Variants in TMEM132B observed in about 807,000 individuals in gnomAD.
The protein encoded by TMEM132B is transmembrane protein 132B.
Under a neutral mutation model 90.8 loss-of-function variants are expected in TMEM132B, and 18 were observed. That is an observed-to-expected ratio of 0.20 (90% confidence interval 0.14 to 0.29). The LOEUF is 0.29. Ranked by LOEUF, TMEM132B falls within the 10% of genes least tolerant of loss-of-function variation. The probability of loss-of-function intolerance (pLI) is 1.00; values close to 1 mark genes in which losing one functional copy is unlikely to be tolerated. For synonymous variants in TMEM132B, 504 were observed against 523.3 expected (o/e 0.96, Z 0.50); for missense variants, 1,096 against 1,326.8 (o/e 0.83, Z 2.70).
At chr12:125,548,840 C>A (rs1221286722) in intron 4 of TMEM132B, among the ~76,000 whole-genome samples, 2 of 152,090 alleles carry the variant, frequency 1.3e-5, no homozygotes, top group Non-Finnish European at 2.9e-5. Context: ...AAGGTCCAGG[C>A]AAGACACGAT....
intron 2 of TMEM132B, among the ~76,000 whole-genome samples, chr12:125,412,429 C>G (rs1342367320): frequency 6.6e-6 from 1 of 152,206 alleles, no homozygotes; most frequent in African/African-American, 2.4e-5. Context: ...ATAAATGATG[C>G]AATGTGTGTC....
intron 1 of TMEM132B, among the ~76,000 whole-genome samples, chr12:125,193,725 C>G (rs1872854440): frequency 6.6e-6 from 1 of 152,224 alleles, no homozygotes; most frequent in African/African-American, 2.4e-5. Flanking sequence ...CCAGCTCATT[C>G]ATTCATTCAT....
In TMEM132B at chr12:125,421,512, T is replaced by C. The variant is rs531149844; in HGVS notation, c.1106+5835T>C. On this transcript the variant is annotated intron_variant, in intron 3 of 8. Coordinates refer to ENST00000682704, the MANE Select transcript of TMEM132B (RefSeq NM_001366854.1). ...CACAGGAAAGACCCACCTCCATGAGTCAGTTACCTCCCACTGGGTCCCTCT... is the reference window on the plus strand; with the variant it reads ...CACAGGAAAGACCCACCTCCATGAGCCAGTTACCTCCCACTGGGTCCCTCT... Among the ~76,000 whole-genome samples, 149 of 152,116 alleles carry C rather than the reference T, an allele frequency of 9.8e-4. 1 individual carries two copies. Among genetic ancestry groups the C allele is most frequent in the Non-Finnish European group, 1.7e-3 (115 of 68,012 alleles).
At chr12:125,281,223 G>A (rs1875161081) in intron 1 of TMEM132B, among the ~76,000 whole-genome samples, 1 of 152,188 alleles carries the variant, frequency 6.6e-6, no homozygotes, top group Non-Finnish European at 1.5e-5. Context: ...GAGTGGGTGT[G>A]AGCAGGAATG....
chr12:125,432,433 ATATATGTATGTG>A lies in TMEM132B; in HGVS notation c.1106+16762_1106+16773del, dbSNP rs1880548083. 1.4e-4 allele frequency among the ~76,000 whole-genome samples: 14 copies of A among 99,036 alleles called. 1 individual carries two copies. The highest frequency in any genetic ancestry group is 4.9e-4 in the African/African-American group (11 of 22,554). 65.0% of individuals were successfully genotyped at this position (99,036 alleles called of 152,430 possible). ...TGTATATATATATATGTATGTGTAT[ATATATGTATGTG>A]TATATATATGTATGTGTATATATAT... On this transcript the variant is annotated intron_variant, in intron 3 of 8. Transcript: ENST00000682704.
intron 6 of TMEM132B, among the ~76,000 whole-genome samples, chr12:125,647,376 A>G (rs1482600137): frequency 5.3e-5 from 8 of 152,368 alleles, no homozygotes; most frequent in African/African-American, 1.4e-4. Context: ...GGAAACCACA[A>G]ACATGATAAA....
At chr12:125,474,894 T>C (rs10846900) in intron 3 of TMEM132B, among the ~76,000 whole-genome samples, 44,214 of 152,198 alleles carry the variant, frequency 0.29, 6,720 homozygotes, top group East Asian at 0.51. Flanking sequence ...ACTTCTGGTC[T>C]TGCAACAATC....
chr12:125,541,619 TGA>T (rs1486831965), intron 4 of TMEM132B, among the ~76,000 whole-genome samples: 2 of 150,916 alleles, frequency 1.3e-5, no homozygotes, highest in African/African-American at 4.9e-5. Context: ...CCCTAAAAGG[TGA>T]GAGTGTTCAG....
rs190379313 is a variant in TMEM132B at position 125,591,319 on chromosome 12, A to G, written c.1437+7325A>G. ...TTGCCTTTTCCAACTTCTAGAGGCCATGTGTGTTTCTTGGCTGTGAAGCTG... is the reference window on the plus strand; with the variant it reads ...TTGCCTTTTCCAACTTCTAGAGGCCGTGTGTGTTTCTTGGCTGTGAAGCTG... On this transcript the variant is annotated intron_variant, in intron 5 of 8. Transcript: ENST00000682704. 2.2e-3 allele frequency among the ~76,000 whole-genome samples: 336 copies of G among 152,154 alleles called. 3 individuals are homozygous for G. The highest frequency in any genetic ancestry group is 7.2e-3 in the African/African-American group (298 of 41,512).
At chr12:125,268,039 A>T (rs1244514890) in intron 1 of TMEM132B, among the ~76,000 whole-genome samples, 2 of 152,196 alleles carry the variant, frequency 1.3e-5, no homozygotes, top group East Asian at 3.9e-4. Flanking sequence ...TGAGCCCAGG[A>T]GGTCGAGACC....
rs141627912 is a variant in TMEM132B at position 125,319,964 on chromosome 12, C to A, written c.68-29488C>A. ...CTGGGAGGTTGAGGGCTGCAGTGAG[C>A]CCTGATTGTGCCATTGCACGCCGGC... On this transcript the variant is annotated intron_variant, in intron 1 of 8. Transcript: ENST00000682704. Among the ~76,000 whole-genome samples, 1,127 of 152,246 alleles carry A rather than the reference C, an allele frequency of 7.4e-3. 6 individuals are homozygous for A. Among genetic ancestry groups the A allele is most frequent in the Non-Finnish European group, 0.012 (829 of 68,008 alleles).
chr12:125,437,818 G>A lies in TMEM132B; in HGVS notation c.1106+22141G>A, dbSNP rs1451786219. Among the ~76,000 whole-genome samples, 2 of 152,172 alleles carry A rather than the reference G, an allele frequency of 1.3e-5. 1 individual carries two copies. Among genetic ancestry groups the A allele is most frequent in the East Asian group, 3.9e-4 (2 of 5,190 alleles). ...GAGTGCCAGGAGCAGGGCTAAGGGG[G>A]AGTGGCTGCTTAATGAATATGGGTT... On this transcript the variant is annotated intron_variant, in intron 3 of 8. Transcript: ENST00000682704.
chr12:125,377,327 G>A (rs1278563887), intron 2 of TMEM132B, among the ~76,000 whole-genome samples: 12 of 152,224 alleles, frequency 7.9e-5, no homozygotes, highest in Admixed American at 3.9e-4. Flanking sequence ...GACCCAGAGA[G>A]GAAGCCCACA....
chr12:125,448,761 G>A (rs1178525257), intron 3 of TMEM132B, among the ~76,000 whole-genome samples: 1 of 152,064 alleles, frequency 6.6e-6, no homozygotes, highest in Non-Finnish European at 1.5e-5. Context: ...GTTTTTCAAA[G>A]TGATTGTATG....
chr12:125,469,354 T>C (rs1198146825), intron 3 of TMEM132B, among the ~76,000 whole-genome samples: 1 of 152,230 alleles, frequency 6.6e-6, no homozygotes, highest in East Asian at 1.9e-4. Flanking sequence ...TTATAAGTGA[T>C]GTTATTTTTT....
chr12:125,494,986 A>C (rs1429216494), intron 3 of TMEM132B, among the ~76,000 whole-genome samples: 2 of 97,988 alleles, frequency 2.0e-5, no homozygotes, highest in African/African-American at 4.2e-5. Context: ...TCCTCCCTGG[A>C]AATGGCTGTG....
chr12:125,249,062 C>T (rs1440473023), intron 1 of TMEM132B, among the ~76,000 whole-genome samples: 1 of 152,182 alleles, frequency 6.6e-6, no homozygotes, highest in Non-Finnish European at 1.5e-5. Context: ...TCACATACCT[C>T]TCTGGACTTG....
chr12:125,573,900 T>G (rs1334947755), intron 4 of TMEM132B, among the ~76,000 whole-genome samples: 1 of 152,124 alleles, frequency 6.6e-6, no homozygotes, highest in Non-Finnish European at 1.5e-5. Context: ...GGAAAAAAAA[T>G]TTTTTATAGC....
intron 3 of TMEM132B, among the ~76,000 whole-genome samples, chr12:125,443,034 T>A (rs1448391067): frequency 1.3e-5 from 2 of 152,178 alleles, no homozygotes; most frequent in Non-Finnish European, 2.9e-5. Flanking sequence ...GAATTATGAT[T>A]CCCTTACAGC....
Sources: allele counts gnomAD v4.1 joint callset (sites outside exome capture counted in the v4.1 genomes callset), GRCh38; gene constraint gnomAD v4.1.1; transcripts MANE v1.5; gene names NCBI Gene and HGNC (gene_info 2026-07-23, HGNC 2026-07-21).